The following TMPRSS11D variants were observed in gnomAD, a reference collection of about 807,000 sequenced individuals.
TMPRSS11D encodes transmembrane protease serine 11D.
A neutral mutation model predicts 44.4 loss-of-function variants in TMPRSS11D; 32 were observed. That is an observed-to-expected ratio of 0.72 (90% CI 0.54 to 0.97). The LOEUF is 0.97. Among genes scored for constraint, TMPRSS11D ranks in the 50% least tolerant of loss-of-function variants. TMPRSS11D has a pLI of 0.00. For missense variants in TMPRSS11D, 446 were observed against 502.6 expected, an observed-to-expected ratio of 0.89 and a Z score of 1.08; for synonymous variants, 179 against 177.9, an observed-to-expected ratio of 1.01 and a Z score of -0.05.
intron 1 of TMPRSS11D, among the ~76,000 whole-genome samples, chr4:67,880,157 G>T (rs1052448736): frequency 1.3e-5 from 2 of 152,190 alleles, no homozygotes; most frequent in African/African-American, 2.4e-5. Context: ...GGTGGGGAAA[G>T]GTCAGTTCGT....
intron 1 of TMPRSS11D, among the ~76,000 whole-genome samples, chr4:67,868,326 T>C (rs370901778): frequency 6.6e-5 from 10 of 151,922 alleles, no homozygotes; most frequent in African/African-American, 2.4e-4. Context: ...GGATGAGAAA[T>C]TACTTAATGT....
intron 1 of TMPRSS11D, among the ~76,000 whole-genome samples, chr4:67,881,774 A>G (rs1376259528): frequency 6.6e-6 from 1 of 152,128 alleles, no homozygotes; most frequent in Non-Finnish European, 1.5e-5. Flanking sequence ...CAGTCAGTTA[A>G]TCATGTCTTG....
intron 8 of TMPRSS11D, 75 bp from the exon 9 acceptor site, chr4:67,825,949 G>A: frequency 1.4e-6 from 2 of 1,399,520 alleles, no homozygotes; most frequent in Non-Finnish European, 9.5e-7. Context: ...AATTTGAGAA[G>A]AAATAAATGT....
rs1049319597 is a variant in TMPRSS11D at position 67,838,171 on chromosome 4, C to G, written c.475+1G>C. On this transcript the variant is annotated splice_donor_variant, in intron 5 of 9. Transcript: ENST00000283916. LOFTEE classifies it high-confidence loss of function. ...AATTGTTTATGAAAAATTATACTTA[C>G]ATGTTATCTCAGTTGAAGGGTTTAT... The G allele has an allele frequency of 6.6e-7, 1 of 1,522,184 alleles. No individual in the cohort carries two copies. Among genetic ancestry groups the G allele is most frequent in the South Asian group, 1.3e-5 (1 of 75,366 alleles). The allele number at this position is 1,522,184 out of a possible 1,614,324, so 94.3% of individuals were successfully genotyped here. A position where few individuals can be genotyped will look rare whatever the true frequency, so the allele number is the denominator to read the frequency against.
At position 67,866,562 on chromosome 4, in the gene TMPRSS11D, C is replaced by T. The variant is rs573839172; in HGVS notation, c.9-6884G>A. ...GAGGAAGTCAAATTATCTCTACTGA[C>T]AATATGATCTTATACCTAGAAAATC... On this transcript the variant is annotated intron_variant, in intron 1 of 9. Transcript: ENST00000283916. Among the ~76,000 whole-genome samples, 12 of 151,804 alleles carry T rather than the reference C, an allele frequency of 7.9e-5. No homozygotes were observed. The South Asian group carries it at 2.5e-3, about 31-fold the overall frequency.
intron 5 of TMPRSS11D, among the ~76,000 whole-genome samples, chr4:67,836,886 C>G (rs980142763): frequency 4.6e-5 from 7 of 152,118 alleles, no homozygotes; most frequent in South Asian, 2.1e-4. Context: ...TGGGAACTTT[C>G]TTTTTCTCAT....
intron 2 of TMPRSS11D, among the ~76,000 whole-genome samples, chr4:67,856,465 T>C (rs566704731): frequency 6.6e-6 from 1 of 152,268 alleles, no homozygotes; most frequent in Admixed American, 6.5e-5. Context: ...TCTCTCACTA[T>C]ATACACAAAT....
intron 1 of TMPRSS11D, among the ~76,000 whole-genome samples, chr4:67,862,532 C>T (rs1718814519): frequency 6.6e-6 from 1 of 152,022 alleles, no homozygotes. Context: ...TATCTTCAGC[C>T]CAGACCTCTC....
chr4:67,849,622 A>G (rs1323859064), intron 3 of TMPRSS11D, among the ~76,000 whole-genome samples: 1 of 152,218 alleles, frequency 6.6e-6, no homozygotes, highest in Non-Finnish European at 1.5e-5. Context: ...TTTTTTGTGT[A>G]AGAATGTACT....
chr4:67,835,963 A>G (rs934755835), intron 5 of TMPRSS11D, among the ~76,000 whole-genome samples: 4 of 152,148 alleles, frequency 2.6e-5, no homozygotes, highest in African/African-American at 9.7e-5. Flanking sequence ...AACAGCATAC[A>G]AGACAGTTTT....
chr4:67,841,884 G>C (rs1718239644), intron 4 of TMPRSS11D, among the ~76,000 whole-genome samples: 1 of 152,156 alleles, frequency 6.6e-6, no homozygotes, highest in Non-Finnish European at 1.5e-5. Flanking sequence ...GAAAGAATTA[G>C]TATAATTCCT....
chr4:67,859,792 A>C, intron 1 of TMPRSS11D, 114 bp from the exon 2 acceptor site: 1 of 1,379,576 alleles, frequency 7.2e-7, no homozygotes, highest in Non-Finnish European at 9.8e-7. Context: ...ACATGGCTCT[A>C]GCCATAGAAA....
At chr4:67,836,585 C>T (rs911917221) in intron 5 of TMPRSS11D, among the ~76,000 whole-genome samples, 1 of 152,084 alleles carries the variant, frequency 6.6e-6, no homozygotes, top group Non-Finnish European at 1.5e-5. Context: ...AGTTTGAATC[C>T]TGACTGCCTC....
At chr4:67,862,719 A>G (rs1413325564) in intron 1 of TMPRSS11D, among the ~76,000 whole-genome samples, 5 of 152,148 alleles carry the variant, frequency 3.3e-5, no homozygotes, top group Non-Finnish European at 5.9e-5. Flanking sequence ...ATGGAATACT[A>G]TGCAGCCATA....
intron 1 of TMPRSS11D, among the ~76,000 whole-genome samples, chr4:67,882,207 C>A (rs576674235): frequency 9.2e-4 from 140 of 152,212 alleles, no homozygotes; most frequent in African/African-American, 3.3e-3. Context: ...AGCCAATTTT[C>A]AACCAAAAGT....
chr4:67,858,225 G>A (rs1334878984), intron 2 of TMPRSS11D, among the ~76,000 whole-genome samples: 1 of 152,146 alleles, frequency 6.6e-6, no homozygotes, highest in Non-Finnish European at 1.5e-5. Context: ...GCAAGAGTTG[G>A]AGATCCTGGG....
At chr4:67,844,865 C>G (rs1905986) in intron 3 of TMPRSS11D, among the ~76,000 whole-genome samples, 1 of 152,024 alleles carries the variant, frequency 6.6e-6, no homozygotes, top group Non-Finnish European at 1.5e-5. Context: ...GATAAAGTAA[C>G]TTCTAGTAAT....
Position 67,825,802 on chromosome 4 carries a change from C to T in TMPRSS11D, c.1025G>A (p.Ser342Asn). 6.2e-7 allele frequency: 1 copy of T among 1,613,270 alleles called. No individual in the cohort carries two copies. The highest frequency in any genetic ancestry group is 8.5e-7 in the Non-Finnish European group (1 of 1,179,504). The stretch of plus-strand genomic sequence containing the variant: ...TCCAGACAAGATGGCTCCATTATAA[C>T]TATGTGGTGCATTACATACATCATT... ...ISNDVCNAPH[S>N]YNGAILSGML... Residue 342 changes from serine to asparagine, a missense_variant, in exon 9 of 10, where the codon AGT becomes AAT. Physicochemically the swap from Ser to Asn is conservative, Grantham distance 46. Transcript: ENST00000283916.
At chr4:67,857,271 GTATATATATATATATATATATATA>G (rs1214467886) in intron 2 of TMPRSS11D, among the ~76,000 whole-genome samples, 10 of 70,072 alleles carry the variant, frequency 1.4e-4, no homozygotes, top group African/African-American at 6.5e-4. Flanking sequence ...AGAAAATATG[GTATATATATATATATATATATATA>G]TATATATATA....
Sources: gnomAD v4.1 joint callset for allele counts (sites outside exome capture counted in the v4.1 genomes callset) on GRCh38, gnomAD v4.1.1 for gene constraint, MANE v1.5 for transcripts, NCBI Gene and HGNC (gene_info 2026-07-23, HGNC 2026-07-21) for gene names.